NTRK2: variants seen among roughly 807,000 people sequenced by gnomAD.
The protein encoded by NTRK2 is neurotrophic receptor tyrosine kinase 2, also known as BDNF/NT-3 growth factors receptor.
Under a neutral mutation model 94.5 loss-of-function variants are expected in NTRK2, and 13 were observed. The ratio of observed to expected loss-of-function variants is 0.14; its 90% CI spans 0.09 to 0.22. NTRK2 has a LOEUF of 0.22. Among genes scored for constraint, NTRK2 ranks in the 10% least tolerant of loss-of-function variants. The pLI is 1.00. For synonymous variants in NTRK2, 372 were observed against 407.4 expected (o/e 0.91, Z 1.05); for missense variants, 639 against 1,071.2 (o/e 0.60, Z 5.63).
intron 12 of NTRK2, chr9:84,815,644 C>T (rs1564343254): frequency 2.0e-6 from 2 of 986,916 alleles, no homozygotes; most frequent in Admixed American, 6.0e-5. Context: ...GTAGATAGAT[C>T]ATAAATGTAC....
chr9:84,867,361 G>A lies in NTRK2; in HGVS notation c.1563G>A (p.Met521Ile), dbSNP rs2132059466. The A allele has an allele frequency of 6.2e-7, 1 of 1,614,060 alleles. No homozygotes were observed. Among genetic ancestry groups the A allele is most frequent in the Non-Finnish European group, 8.5e-7 (1 of 1,179,976 alleles). Residue 521 changes from methionine to isoleucine, a missense_variant, in exon 14 of 19, where the codon ATG becomes ATA. This residue lies in a region of NTRK2 where 343 missense variants were observed against 571.5 expected (regional missense o/e 0.60). Coordinates refer to ENST00000277120, the MANE Select transcript of NTRK2 (RefSeq NM_006180.6). Reference protein sequence around the residue: ...EGGPDAVIIGMTKIPVIENPQ... With the variant: ...EGGPDAVIIGITKIPVIENPQ... ...GCCCAGATGCTGTCATTATTGGAAT[G>A]ACCAAGATCCCTGTCATTGAAAATC...
At chr9:84,870,333 A>ATGTATATG (rs1480414589) in intron 14 of NTRK2, among the ~76,000 whole-genome samples, 91 of 36,614 alleles carry the variant, frequency 2.5e-3, no homozygotes, top group African/African-American at 6.2e-3. Flanking sequence ...GTGTGTGTGT[A>ATGTATATG]TATATATATA....
chr9:84,800,549 G>A (rs550460033), intron 12 of NTRK2, among the ~76,000 whole-genome samples: 1 of 152,340 alleles, frequency 6.6e-6, no homozygotes, highest in Admixed American at 6.5e-5. Flanking sequence ...CTCAGTCGAG[G>A]AATGCAGAGT....
At chr9:84,815,296 C>T in intron 12 of NTRK2, 1 of 1,051,248 alleles carries the variant, frequency 9.5e-7, no homozygotes, top group Non-Finnish European at 1.1e-6. Flanking sequence ...CTGACTATGA[C>T]TGCAGTGGGT....
intron 11 of NTRK2, among the ~76,000 whole-genome samples, chr9:84,746,352 T>C (rs7045837): frequency 0.72 from 108,768 of 151,924 alleles, 39,129 homozygotes; most frequent in African/African-American, 0.74. Flanking sequence ...GACCATATGG[T>C]CTGCAAAGTG....
At chr9:84,884,371 A>G (rs1007612079) in intron 14 of NTRK2, among the ~76,000 whole-genome samples, 1 of 152,230 alleles carries the variant, frequency 6.6e-6, no homozygotes, top group African/African-American at 2.4e-5. Flanking sequence ...AGGCCTGATT[A>G]GGGCACCTTC....
intron 12 of NTRK2, among the ~76,000 whole-genome samples, chr9:84,758,268 G>A (rs1004244302): frequency 6.6e-6 from 1 of 151,884 alleles, no homozygotes; most frequent in Non-Finnish European, 1.5e-5. Flanking sequence ...CATTTAAGTT[G>A]TGTCTTGCTT....
chr9:84,811,510 G>T, intron 12 of NTRK2: 1 of 1,065,458 alleles, frequency 9.4e-7, no homozygotes. Context: ...GAGTGAGAAG[G>T]CCACAGTATC....
intron 17 of NTRK2, among the ~76,000 whole-genome samples, chr9:84,998,659 T>A (rs1830027102): frequency 6.6e-6 from 1 of 152,192 alleles, no homozygotes; most frequent in Non-Finnish European, 1.5e-5. Flanking sequence ...ATCTCTGGCA[T>A]TGCACTCTTT....
chr9:84,683,729 G>T (rs189541396), intron 2 of NTRK2, among the ~76,000 whole-genome samples: 13 of 152,234 alleles, frequency 8.5e-5, no homozygotes, highest in Admixed American at 8.5e-4. Flanking sequence ...TGGGTCAAAT[G>T]GTATTTCTGA....
intron 2 of NTRK2, among the ~76,000 whole-genome samples, chr9:84,680,935 A>C (rs1160806050): frequency 6.6e-6 from 1 of 151,816 alleles, no homozygotes; most frequent in Non-Finnish European, 1.5e-5. Flanking sequence ...GTGTCACCAC[A>C]CTTTTCTTGT....
intron 17 of NTRK2, among the ~76,000 whole-genome samples, chr9:85,007,559 G>C (rs1386251014): frequency 6.6e-6 from 1 of 152,210 alleles, no homozygotes; most frequent in Non-Finnish European, 1.5e-5. Context: ...GGGGAGGAGG[G>C]AATGATGGAA....
At chr9:84,893,674 C>T (rs548865744) in intron 14 of NTRK2, among the ~76,000 whole-genome samples, 102 of 152,272 alleles carry the variant, frequency 6.7e-4, no homozygotes, top group Middle Eastern at 3.4e-3. Flanking sequence ...TGATTTTACT[C>T]TGATTGTTCC....
chr9:85,025,870 A>T lies in NTRK2; in HGVS notation c.*4433A>T, dbSNP rs1833006820. 4.3e-6 allele frequency: 1 copy of T among 231,752 alleles called. No homozygotes were observed. Among genetic ancestry groups the T allele is most frequent in the African/African-American group, 2.2e-5 (1 of 45,204 alleles). The allele number at this position is 231,752 out of a possible 1,614,324, so 14.4% of individuals were successfully genotyped here. ...GGAATGTGGAGCCTCTGAGGTTGTGATAGCTTGTACATGAATTTCAAATGT... is the reference window on the plus strand; with the variant it reads ...GGAATGTGGAGCCTCTGAGGTTGTGTTAGCTTGTACATGAATTTCAAATGT... On this transcript the variant is annotated 3_prime_UTR_variant, in exon 19 of 19. Coordinates refer to ENST00000277120, the MANE Select transcript of NTRK2 (RefSeq NM_006180.6).
intron 17 of NTRK2, among the ~76,000 whole-genome samples, chr9:85,019,884 G>A (rs1039365345): frequency 1.3e-5 from 2 of 152,078 alleles, no homozygotes; most frequent in African/African-American, 4.8e-5. Context: ...AGAAGATTGA[G>A]TCATCCTCTT....
intron 10 of NTRK2, among the ~76,000 whole-genome samples, chr9:84,742,921 C>T (rs1343176445): frequency 3.3e-5 from 5 of 151,344 alleles, no homozygotes; most frequent in Non-Finnish European, 5.9e-5. Flanking sequence ...CTGCCTCAGC[C>T]TCCTGAGTAG....
At chr9:84,946,181 G>A (rs2078594288) in intron 15 of NTRK2, among the ~76,000 whole-genome samples, 2 of 152,232 alleles carry the variant, frequency 1.3e-5, no homozygotes, top group African/African-American at 4.8e-5. Flanking sequence ...GAACACAGAT[G>A]TTCCCATTTG....
intron 15 of NTRK2, among the ~76,000 whole-genome samples, chr9:84,945,269 T>TG (rs111665421): frequency 0.061 from 9,257 of 152,240 alleles, 367 homozygotes; most frequent in Admixed American, 0.12. Flanking sequence ...ATCTCTACTT[T>TG]CACAAACTTC....
chr9:84,747,689 G>A (rs932091315), intron 11 of NTRK2, among the ~76,000 whole-genome samples: 4 of 151,998 alleles, frequency 2.6e-5, no homozygotes, highest in African/African-American at 7.2e-5. Context: ...CACCATGTTA[G>A]CCAGGATGGT....
Sources: gnomAD v4.1 joint callset for allele counts (sites outside exome capture counted in the v4.1 genomes callset) on GRCh38, gnomAD v4.1.1 for gene constraint, gnomAD v4.1.1 regional missense constraint, MANE v1.5 for transcripts, NCBI Gene and HGNC (gene_info 2026-07-23, HGNC 2026-07-21) for gene names.